Variants in TOM1L2 observed in about 807,000 individuals in gnomAD.
TOM1L2 encodes the protein target of myb1 like 2 membrane trafficking protein.
Under a neutral mutation model 67.9 loss-of-function variants are expected in TOM1L2, and 31 were observed. The ratio of observed to expected loss-of-function variants is 0.46; its 90% confidence interval spans 0.34 to 0.62. The LOEUF is 0.62. Ranked by LOEUF, TOM1L2 falls within the 20% of genes least tolerant of loss-of-function variation. The probability of loss-of-function intolerance (pLI) is 0.01; values close to 1 mark genes in which losing one functional copy is unlikely to be tolerated. For missense variants in TOM1L2, 606 were observed against 663.5 expected (o/e 0.91, Z 0.95); for synonymous variants, 256 against 254.0 (o/e 1.01, Z -0.07).
chr17:17,847,370 C>A lies in TOM1L2; in HGVS notation c.*265G>T. The A allele has an allele frequency of 1.9e-6, 1 of 514,344 alleles. No individual in the cohort carries two copies. The highest frequency in any genetic ancestry group is 3.4e-6 in the Non-Finnish European group (1 of 290,144). The allele number at this position is 514,344 out of a possible 1,614,324, so 31.9% of individuals were successfully genotyped here. Reference sequence around the variant, plus strand: ...GCCTGGGGCTGGGCCACTCTGCCCGCTCTTCCTGGGAGGAAACATGGGCAG... The same window carrying A: ...GCCTGGGGCTGGGCCACTCTGCCCGATCTTCCTGGGAGGAAACATGGGCAG... On this transcript the variant is annotated 3_prime_UTR_variant, in exon 15 of 15. Coordinates refer to ENST00000379504, the MANE Select transcript of TOM1L2 (RefSeq NM_001082968.2).
rs2035692767 is a variant in TOM1L2 at position 17,847,266 on chromosome 17, A to ACAGGG, written c.*364_*368dup. On this transcript the variant is annotated 3_prime_UTR_variant, in exon 15 of 15. Transcript: ENST00000379504. ...GTCGCTGAGCCAGGCAGAGGTGAGCACAGGGCGGGGCCGGGCGTGCTCTTT... is the reference window on the plus strand; with the variant it reads ...GTCGCTGAGCCAGGCAGAGGTGAGCACAGGGCAGGGCGGGGCCGGGCGTGCTCTTT... The ACAGGG allele has an allele frequency of 3.8e-6, 1 of 264,498 alleles. No homozygotes were observed. Among genetic ancestry groups the ACAGGG allele is most frequent in the African/African-American group, 2.3e-5 (1 of 44,180 alleles). The allele number at this position is 264,498 out of a possible 1,614,324, so 16.4% of individuals were successfully genotyped here.
intron 7 of TOM1L2, among the ~76,000 whole-genome samples, chr17:17,874,659 C>CA (rs1217522995): frequency 6.6e-6 from 1 of 152,192 alleles, no homozygotes; most frequent in Non-Finnish European, 1.5e-5. Context: ...GAATGAGCCC[C>CA]AAGGGCACAG....
intron 1 of TOM1L2, among the ~76,000 whole-genome samples, chr17:17,944,697 C>T (rs745316506): frequency 2.0e-4 from 30 of 152,318 alleles, no homozygotes; most frequent in Middle Eastern, 3.4e-3. Flanking sequence ...CCAACGTCTC[C>T]TACAAGGAGA....
chr17:17,885,652 C>T (rs1421892965), intron 4 of TOM1L2, among the ~76,000 whole-genome samples: 3 of 152,010 alleles, frequency 2.0e-5, no homozygotes, highest in African/African-American at 4.8e-5. Flanking sequence ...GGGCTGGGTG[C>T]GGTGGCTCAT....
At chr17:17,962,756 C>T (rs1376640213) in intron 1 of TOM1L2, among the ~76,000 whole-genome samples, 2 of 151,978 alleles carry the variant, frequency 1.3e-5, no homozygotes, top group South Asian at 4.1e-4. Context: ...GTCAAGAGAT[C>T]GAGACCAACC....
At chr17:17,951,130 G>A (rs2041189475) in intron 1 of TOM1L2, among the ~76,000 whole-genome samples, 1 of 152,110 alleles carries the variant, frequency 6.6e-6, no homozygotes, top group African/African-American at 2.4e-5. Context: ...AGGCTTCTGG[G>A]ATGTCAATCA....
chr17:17,922,407 G>A (rs187494347), intron 1 of TOM1L2, among the ~76,000 whole-genome samples: 99 of 152,294 alleles, frequency 6.5e-4, no homozygotes, highest in Middle Eastern at 3.4e-3. Flanking sequence ...TTTTCAACAG[G>A]AGTGACAAGA....
At chr17:17,882,936 C>T in intron 5 of TOM1L2, 73 bp from the exon 6 acceptor site, 1 of 1,567,694 alleles carries the variant, frequency 6.4e-7, no homozygotes, top group Non-Finnish European at 8.7e-7. Context: ...CTACCCCACC[C>T]CATGCAGCAC....
At position 17,871,443 on chromosome 17, in the gene TOM1L2, G is replaced by A. The variant is rs565772091; in HGVS notation, c.778-1970C>T. ...CCAGCACTTTGGGAGGCCGAGGCAG[G>A]CGGATCACTTGAGGTCAGGAGTTTG... On this transcript the variant is annotated intron_variant, in intron 7 of 14. Coordinates refer to ENST00000379504, the MANE Select transcript of TOM1L2 (RefSeq NM_001082968.2). Among the ~76,000 whole-genome samples the A allele has an allele frequency of 2.6e-5, 4 of 152,330 alleles. No individual in the cohort carries two copies. In the East Asian group the frequency reaches 7.7e-4, roughly 29 times the overall value.
intron 2 of TOM1L2, among the ~76,000 whole-genome samples, chr17:17,905,700 G>A (rs971210392): frequency 1.2e-4 from 19 of 152,234 alleles, no homozygotes; most frequent in Admixed American, 1.2e-3. Flanking sequence ...CACTATGCCA[G>A]GCCATCGCTG....
At position 17,847,412 on chromosome 17, in the gene TOM1L2, A is replaced by C. The variant is rs2035701218; in HGVS notation, c.*223T>G. On this transcript the variant is annotated 3_prime_UTR_variant, in exon 15 of 15. Coordinates refer to ENST00000379504, the MANE Select transcript of TOM1L2 (RefSeq NM_001082968.2). ...CATGGGCAGAGGGGCCCATGGTGGGAGGGGAGAGAGTCTCTGGCTGCAGTT... is the reference window on the plus strand; with the variant it reads ...CATGGGCAGAGGGGCCCATGGTGGGCGGGGAGAGAGTCTCTGGCTGCAGTT... 3 of 592,008 alleles carry C rather than the reference A, an allele frequency of 5.1e-6. No individual in the cohort carries two copies. The South Asian group carries it at 6.4e-5, about 13-fold the overall frequency. 36.7% of individuals were successfully genotyped at this position (592,008 alleles called of 1,614,324 possible).
intron 1 of TOM1L2, among the ~76,000 whole-genome samples, chr17:17,957,715 A>G (rs1488087739): frequency 1.3e-5 from 2 of 151,994 alleles, no homozygotes; most frequent in Non-Finnish European, 1.5e-5. Flanking sequence ...ACATGTGTGT[A>G]TATACTTACA....
chr17:17,909,526 T>C (rs908501651), intron 1 of TOM1L2, among the ~76,000 whole-genome samples: 1 of 142,482 alleles, frequency 7.0e-6, no homozygotes, highest in African/African-American at 2.7e-5. Context: ...CTACTTACAA[T>C]CAGGTACCTA....
intron 4 of TOM1L2, among the ~76,000 whole-genome samples, chr17:17,887,498 T>TG (rs2038058508): frequency 6.6e-6 from 1 of 152,180 alleles, no homozygotes; most frequent in Admixed American, 6.5e-5. Flanking sequence ...TAATTGGGCA[T>TG]GGGTCAGAGC....
chr17:17,863,028 G>T (rs944976993), intron 10 of TOM1L2, among the ~76,000 whole-genome samples, 180 bp from the exon 11 acceptor site: 1 of 152,186 alleles, frequency 6.6e-6, no homozygotes, highest in African/African-American at 2.4e-5. Flanking sequence ...CGGGCCAGAT[G>T]GGGGACAGAA....
At chr17:17,929,774 C>T (rs2040250759) in intron 1 of TOM1L2, among the ~76,000 whole-genome samples, 1 of 152,234 alleles carries the variant, frequency 6.6e-6, no homozygotes, top group African/African-American at 2.4e-5. Context: ...ATTACACACA[C>T]AATTCTGCAC....
chr17:17,970,613 A>G (rs1054802740), intron 1 of TOM1L2, among the ~76,000 whole-genome samples: 8 of 152,208 alleles, frequency 5.3e-5, no homozygotes, highest in Non-Finnish European at 8.8e-5. Context: ...TCCAGTGGGC[A>G]GCAAGAGACA....
chr17:17,958,979 G>A (rs2041582702), intron 1 of TOM1L2, among the ~76,000 whole-genome samples: 1 of 152,168 alleles, frequency 6.6e-6, no homozygotes, highest in African/African-American at 2.4e-5. Flanking sequence ...GAACTTCCAA[G>A]TTGAACACAT....
intron 12 of TOM1L2, chr17:17,857,631 C>T (rs2036315901): frequency 2.9e-6 from 2 of 700,522 alleles, no homozygotes; most frequent in Non-Finnish European, 4.6e-6. Flanking sequence ...AATTTGGCAC[C>T]CCTGCCAGAA....
Sources: allele counts gnomAD v4.1 joint callset (sites outside exome capture counted in the v4.1 genomes callset), GRCh38; gene constraint gnomAD v4.1.1; transcripts MANE v1.5; gene names NCBI Gene and HGNC (gene_info 2026-07-23, HGNC 2026-07-21).